Variants in PARM1 observed in about 807,000 individuals in gnomAD.
PARM1 encodes the protein prostate androgen-regulated mucin-like protein 1, also known as WSC4, cell wall integrity and stress response component 4 homolog.
Under a neutral mutation model 24.6 loss-of-function variants are expected in PARM1, and 14 were observed. The ratio of observed to expected loss-of-function variants is 0.57; its 90% CI spans 0.38 to 0.89. PARM1 has a LOEUF of 0.89. Ranked by LOEUF, PARM1 falls within the 40% of genes least tolerant of loss-of-function variation. PARM1 has a pLI of 0.00. For synonymous variants in PARM1, 179 were observed against 156.6 expected, an observed-to-expected ratio of 1.14 and a Z score of -1.07; for missense variants, 362 against 380.4, an observed-to-expected ratio of 0.95 and a Z score of 0.40.
intron 2 of PARM1, among the ~76,000 whole-genome samples, chr4:75,030,829 G>A (rs923503256): frequency 3.3e-5 from 5 of 152,042 alleles, no homozygotes; most frequent in Admixed American, 3.3e-4. Context: ...ATAAGCCAGA[G>A]GCTCCCCTGC....
intron 1 of PARM1, among the ~76,000 whole-genome samples, chr4:74,954,101 A>T (rs1258871029): frequency 1.3e-5 from 2 of 152,194 alleles, no homozygotes; most frequent in Non-Finnish European, 2.9e-5. Context: ...ATCCACAGTA[A>T]ATTATTATTA....
chr4:75,039,322 G>A (rs1723432149), intron 3 of PARM1, among the ~76,000 whole-genome samples: 1 of 152,086 alleles, frequency 6.6e-6, no homozygotes, highest in African/African-American at 2.4e-5. Context: ...ATGAGGTCAG[G>A]AGATCGAGGC....
intron 1 of PARM1, among the ~76,000 whole-genome samples, chr4:74,954,887 A>G (rs749198386): frequency 6.6e-6 from 1 of 152,316 alleles, no homozygotes; most frequent in East Asian, 1.9e-4. Flanking sequence ...GAGGAATTTG[A>G]CAGAACCTAG....
intron 1 of PARM1, among the ~76,000 whole-genome samples, chr4:74,972,023 A>AGTTAGGGTGTGGCT (rs1243937962): frequency 6.6e-6 from 1 of 152,230 alleles, no homozygotes; most frequent in African/African-American, 2.4e-5. Context: ...AGTTACTGGT[A>AGTTAGGGTGTGGCT]GTTAGGGTGT....
chr4:75,020,237 T>C lies in PARM1; in HGVS notation c.769+7087T>C, dbSNP rs78768271. On this transcript the variant is annotated intron_variant, in intron 2 of 3. Coordinates refer to ENST00000307428, the MANE Select transcript of PARM1 (RefSeq NM_015393.4). Reference sequence around the variant, plus strand: ...ATGGCCAGAATGTATCAGAAAGCAATAATCCTAACAAGTATGGTATCTTAC... The same window carrying C: ...ATGGCCAGAATGTATCAGAAAGCAACAATCCTAACAAGTATGGTATCTTAC... Among the ~76,000 whole-genome samples the C allele has an allele frequency of 4.0e-3, 607 of 152,228 alleles. 14 individuals are homozygous for C. The East Asian group carries it at 0.068, about 17-fold the overall frequency.
Position 75,039,924 on chromosome 4 carries a change from T to A in PARM1, c.848+5963T>A, listed in dbSNP as rs143896686. The stretch of plus-strand genomic sequence containing the variant: ...TTCAAGTCGTCCAGCTCAAGAGAGA[T>A]CTCCTTTGGGAAGCCTTCATCCACC... On this transcript the variant is annotated intron_variant, in intron 3 of 3. Transcript: ENST00000307428. Among the ~76,000 whole-genome samples, 7 of 152,308 alleles carry A rather than the reference T, an allele frequency of 4.6e-5. No homozygotes were observed. In the East Asian group the frequency reaches 1.4e-3, roughly 29 times the overall value.
At chr4:75,022,695 T>A (rs564229732) in intron 2 of PARM1, among the ~76,000 whole-genome samples, 2 of 152,312 alleles carry the variant, frequency 1.3e-5, no homozygotes, top group Non-Finnish European at 2.9e-5. Flanking sequence ...ATACCATTAA[T>A]ATGCCAGGAT....
intron 1 of PARM1, among the ~76,000 whole-genome samples, chr4:74,961,885 A>C (rs1721783001): frequency 6.6e-6 from 1 of 152,216 alleles, no homozygotes; most frequent in Admixed American, 6.5e-5. Flanking sequence ...TAAATAATAA[A>C]GATCTCAATA....
chr4:74,962,193 T>A (rs1007749235), intron 1 of PARM1, among the ~76,000 whole-genome samples: 2 of 152,182 alleles, frequency 1.3e-5, no homozygotes, highest in East Asian at 3.8e-4. Flanking sequence ...GGAGCAGAGT[T>A]TTTGTATGTT....
chr4:75,002,628 T>G (rs1035239815), intron 1 of PARM1, among the ~76,000 whole-genome samples: 1 of 152,160 alleles, frequency 6.6e-6, no homozygotes, highest in African/African-American at 2.4e-5. Flanking sequence ...TGTTTAAAGC[T>G]GGTCACTGGC....
At chr4:75,029,876 TAA>T (rs556173736) in intron 2 of PARM1, among the ~76,000 whole-genome samples, 12 of 141,652 alleles carry the variant, frequency 8.5e-5, no homozygotes, top group African/African-American at 2.6e-4. Context: ...ATGATTAGGC[TAA>T]AAAAAAAAAA....
At chr4:74,943,474 T>A (rs1169759065) in intron 1 of PARM1, among the ~76,000 whole-genome samples, 1 of 152,078 alleles carries the variant, frequency 6.6e-6, no homozygotes, top group Non-Finnish European at 1.5e-5. Context: ...CAGGTGCTTA[T>A]GTCTAGTGCT....
intron 1 of PARM1, among the ~76,000 whole-genome samples, chr4:74,998,596 A>G (rs1312837231): frequency 6.6e-6 from 1 of 152,204 alleles, no homozygotes; most frequent in Non-Finnish European, 1.5e-5. Context: ...TATGAGGAAC[A>G]CTTTTTGCAG....
chr4:75,028,195 C>A (rs1723217071), intron 2 of PARM1, among the ~76,000 whole-genome samples: 1 of 152,206 alleles, frequency 6.6e-6, no homozygotes, highest in Non-Finnish European at 1.5e-5. Context: ...TCGTTGATTT[C>A]TCCTGCTATT....
At chr4:75,027,330 C>T (rs758267627) in intron 2 of PARM1, among the ~76,000 whole-genome samples, 2 of 151,912 alleles carry the variant, frequency 1.3e-5, no homozygotes, top group Non-Finnish European at 2.9e-5. Context: ...GGAGCTCATT[C>T]GGGAGAGGCT....
intron 1 of PARM1, among the ~76,000 whole-genome samples, chr4:74,973,563 C>T (rs570654169): frequency 8.1e-4 from 123 of 151,308 alleles, no homozygotes; most frequent in African/African-American, 2.9e-3. Flanking sequence ...TCCTCATCTG[C>T]ATCTGAGTCC....
chr4:74,989,988 T>C (rs1277012017), intron 1 of PARM1, among the ~76,000 whole-genome samples: 1 of 151,926 alleles, frequency 6.6e-6, no homozygotes, highest in Non-Finnish European at 1.5e-5. Flanking sequence ...AGAAAAAATA[T>C]GAATATGAGA....
Position 74,934,236 on chromosome 4 carries a change from T to A in PARM1, c.43+866T>A, listed in dbSNP as rs542187601. On this transcript the variant is annotated intron_variant, in intron 1 of 3. Transcript: ENST00000307428. ...AATCTAGAGTTCAGGTACCTATTTT[T>A]TCCAGAAAACGTCTCCCGAAAAGGG... Among the ~76,000 whole-genome samples, 5 of 152,202 alleles carry A rather than the reference T, an allele frequency of 3.3e-5. No homozygotes were observed. In the South Asian group the frequency reaches 1.0e-3, roughly 32 times the overall value.
intron 1 of PARM1, among the ~76,000 whole-genome samples, chr4:74,959,110 TGAG>T (rs1162953858): frequency 6.6e-6 from 1 of 152,206 alleles, no homozygotes; most frequent in Non-Finnish European, 1.5e-5. Context: ...CTAGTGCAAT[TGAG>T]GAACTGAAAT....
Sources: gnomAD v4.1 joint callset for allele counts (sites outside exome capture counted in the v4.1 genomes callset) on GRCh38, gnomAD v4.1.1 for gene constraint, MANE v1.5 for transcripts, NCBI Gene and HGNC (gene_info 2026-07-23, HGNC 2026-07-21) for gene names.